RAPGEF4: variants seen among roughly 807,000 people sequenced by gnomAD.
RAPGEF4 encodes RAP guanine-nucleotide-exchange factor (GEF) 4.
A neutral mutation model predicts 147.9 loss-of-function variants in RAPGEF4; 66 were observed. That is an observed-to-expected ratio of 0.45 (90% CI 0.37 to 0.55). RAPGEF4 has a LOEUF of 0.55. Among genes scored for constraint, RAPGEF4 ranks in the 20% least tolerant of loss-of-function variants. RAPGEF4 has a pLI of 0.00. For missense variants in RAPGEF4, 1,071 were observed against 1,257.3 expected (o/e 0.85, Z 2.24); for synonymous variants, 419 against 442.7 (o/e 0.95, Z 0.67).
chr2:172,889,758 A>G, intron 4 of RAPGEF4: 2 of 894,508 alleles, frequency 2.2e-6, no homozygotes, highest in Non-Finnish European at 2.7e-6. Context: ...ATCAGCAAGG[A>G]AAATTTTAAA....
At chr2:172,990,770 A>G in intron 14 of RAPGEF4, 40 bp from the exon 15 acceptor site, 1 of 1,470,328 alleles carries the variant, frequency 6.8e-7, no homozygotes, top group South Asian at 1.2e-5. Context: ...TTGTCTGAGT[A>G]AGCGGCAGCA....
intron 3 of RAPGEF4, among the ~76,000 whole-genome samples, chr2:172,803,942 T>A (rs1261065037): frequency 6.6e-6 from 1 of 152,142 alleles, no homozygotes; most frequent in Non-Finnish European, 1.5e-5. Context: ...AACAAGTTCC[T>A]CATCTCCATC....
intron 15 of RAPGEF4, among the ~76,000 whole-genome samples, chr2:172,994,610 C>T (rs1198278277): frequency 1.3e-5 from 2 of 152,230 alleles, no homozygotes; most frequent in Non-Finnish European, 2.9e-5. Flanking sequence ...TCTCTCTAAC[C>T]CCGTTTCCTG....
chr2:172,783,360 C>A (rs930229235), intron 1 of RAPGEF4, among the ~76,000 whole-genome samples: 2 of 152,186 alleles, frequency 1.3e-5, no homozygotes, highest in African/African-American at 4.8e-5. Context: ...GGAGCAGTTT[C>A]CTCTTCATTC....
Position 173,048,629 on chromosome 2 carries a change from G to A in RAPGEF4, c.2883G>A (p.Val961=). 6.2e-7 allele frequency: 1 copy of A among 1,614,026 alleles called. No homozygotes were observed. Among genetic ancestry groups the A allele is most frequent in the Non-Finnish European group, 8.5e-7 (1 of 1,180,004 alleles). Residue 961 remains valine (V), a synonymous_variant, in exon 30 of 31, where the codon GTG becomes GTA. Coordinates refer to ENST00000397081, the MANE Select transcript of RAPGEF4 (RefSeq NM_007023.4). The stretch of plus-strand genomic sequence containing the variant: ...TGATTGCAAATACGGCCAGAACAGT[G>A]AGATACTACAGGAGCCAACCCTTCA... The part of the protein sequence containing the change: ...MRMIANTART[V]RYYRSQPFNP...
At chr2:172,965,755 G>A in intron 9 of RAPGEF4, 72 bp downstream of exon 9, 1 of 1,585,860 alleles carries the variant, frequency 6.3e-7, no homozygotes, top group African/African-American at 1.3e-5. Flanking sequence ...AGTAGTTGCT[G>A]AACTCTTGAA....
chr2:172,924,584 G>A (rs1685084558), intron 6 of RAPGEF4, among the ~76,000 whole-genome samples: 1 of 152,118 alleles, frequency 6.6e-6, no homozygotes. Flanking sequence ...TGTGTTATTA[G>A]GAAAGCTCTC....
At chr2:172,903,822 C>A (rs1028362108) in intron 4 of RAPGEF4, among the ~76,000 whole-genome samples, 4 of 152,184 alleles carry the variant, frequency 2.6e-5, no homozygotes, top group Admixed American at 2.6e-4. Context: ...AGTGCCTCTG[C>A]CCCAATGGCT....
chr2:172,962,282 C>T (rs1450512216), intron 8 of RAPGEF4, among the ~76,000 whole-genome samples: 1 of 152,152 alleles, frequency 6.6e-6, no homozygotes, highest in African/African-American at 2.4e-5. Flanking sequence ...GACCTCAGAA[C>T]CCATCAGCAT....
chr2:172,756,989 A>G (rs886971534), intron 1 of RAPGEF4, among the ~76,000 whole-genome samples: 3 of 152,244 alleles, frequency 2.0e-5, no homozygotes, highest in Non-Finnish European at 4.4e-5. Flanking sequence ...CATTTTGGCC[A>G]ACTGAGAATT....
intron 1 of RAPGEF4, among the ~76,000 whole-genome samples, chr2:172,768,184 C>T (rs957773457): frequency 6.6e-6 from 1 of 152,118 alleles, no homozygotes; most frequent in Non-Finnish European, 1.5e-5. Context: ...AGACAGTTCC[C>T]AATCTCTACC....
chr2:172,883,036 A>G (rs775291182), intron 4 of RAPGEF4, among the ~76,000 whole-genome samples: 4 of 152,146 alleles, frequency 2.6e-5, no homozygotes, highest in Non-Finnish European at 4.4e-5. Flanking sequence ...AGGGGAGCAG[A>G]TGAGCAGGAA....
chr2:172,818,307 C>T (rs1688715821), intron 4 of RAPGEF4, among the ~76,000 whole-genome samples: 1 of 152,038 alleles, frequency 6.6e-6, no homozygotes, highest in Admixed American at 6.5e-5. Context: ...TAACCAAATG[C>T]CACCCATTCC....
At chr2:173,040,000 G>A (rs1256781057) in intron 29 of RAPGEF4, among the ~76,000 whole-genome samples, 2 of 152,044 alleles carry the variant, frequency 1.3e-5, no homozygotes, top group Non-Finnish European at 2.9e-5. Context: ...GGCCAGCCTG[G>A]CCAACATGGT....
At chr2:172,916,193 A>C (rs1349421097) in intron 4 of RAPGEF4, among the ~76,000 whole-genome samples, 1 of 152,198 alleles carries the variant, frequency 6.6e-6, no homozygotes, top group Non-Finnish European at 1.5e-5. Flanking sequence ...AGGGATCAGG[A>C]AGGTGCTTCC....
At chr2:172,976,281 C>T (rs1483161131) in intron 10 of RAPGEF4, among the ~76,000 whole-genome samples, 2 of 152,066 alleles carry the variant, frequency 1.3e-5, no homozygotes, top group African/African-American at 4.8e-5. Flanking sequence ...TCACCAGGTT[C>T]CTGGAATGTC....
At chr2:173,009,280 T>C (rs1575506505) in intron 17 of RAPGEF4, among the ~76,000 whole-genome samples, 2 of 152,168 alleles carry the variant, frequency 1.3e-5, no homozygotes, top group South Asian at 2.1e-4. Flanking sequence ...AGGTTTTTTG[T>C]TTTTTTAGAA....
At chr2:172,856,677 G>A (rs1286656841) in intron 4 of RAPGEF4, among the ~76,000 whole-genome samples, 2 of 152,160 alleles carry the variant, frequency 1.3e-5, no homozygotes, top group African/African-American at 4.8e-5. Context: ...GAGTGGCTTG[G>A]AGTCTGCTTC....
chr2:172,985,522 C>T (rs745863757), intron 12 of RAPGEF4, 29 bp downstream of exon 12: 23 of 1,606,460 alleles, frequency 1.4e-5, no homozygotes, highest in East Asian at 4.5e-5. Context: ...TGGAACCTTG[C>T]GCCTGGCCAG....
Sources: allele counts gnomAD v4.1 joint callset (sites outside exome capture counted in the v4.1 genomes callset), GRCh38; gene constraint gnomAD v4.1.1; transcripts MANE v1.5; gene names NCBI Gene and HGNC (gene_info 2026-07-23, HGNC 2026-07-21).